Variants in ADD3 observed in about 807,000 individuals in gnomAD.
The protein encoded by ADD3 is gamma-adducin.
A neutral mutation model predicts 80.2 loss-of-function variants in ADD3; 25 were observed. The observed-to-expected ratio is 0.31, with a 90% CI of 0.23 to 0.44. The LOEUF (loss-of-function observed/expected upper bound fraction) is 0.44, where lower values mean the gene tolerates loss of function less well. Among genes scored for constraint, ADD3 ranks in the 20% least tolerant of loss-of-function variants. The pLI, the probability that ADD3 is intolerant of heterozygous loss-of-function variation, is 1.00. For synonymous variants in ADD3, 284 were observed against 289.6 expected (o/e 0.98, Z 0.20); for missense variants, 829 against 847.5 (o/e 0.98, Z 0.27).
At chr10:110,034,071 A>G (rs1251003457) in intron 1 of ADD3, among the ~76,000 whole-genome samples, 4 of 152,220 alleles carry the variant, frequency 2.6e-5, no homozygotes, top group African/African-American at 9.6e-5. Context: ...GACCACAGAA[A>G]TCAGTCTCTA....
chr10:110,123,921 A>T (rs760870113), intron 9 of ADD3, 96 bp from the exon 10 acceptor site: 1 of 1,244,970 alleles, frequency 8.0e-7, no homozygotes, highest in Non-Finnish European at 1.1e-6. Flanking sequence ...TTAGCAAAGG[A>T]GTCTTTTAAA....
At chr10:110,058,878 T>C (rs961264644) in intron 1 of ADD3, among the ~76,000 whole-genome samples, 5 of 152,244 alleles carry the variant, frequency 3.3e-5, no homozygotes, top group African/African-American at 1.2e-4. Context: ...TCTGTCATAT[T>C]ACTGTTAAAT....
At chr10:110,022,049 C>CT (rs1264074253) in intron 1 of ADD3, among the ~76,000 whole-genome samples, 3 of 152,146 alleles carry the variant, frequency 2.0e-5, no homozygotes, top group African/African-American at 7.2e-5. Flanking sequence ...GCCTGCTTTG[C>CT]TTAAAGAGGC....
At chr10:110,128,484 T>C (rs1459298950) in intron 12 of ADD3, among the ~76,000 whole-genome samples, 2 of 152,048 alleles carry the variant, frequency 1.3e-5, no homozygotes, top group Non-Finnish European at 2.9e-5. Context: ...GGCGCGATCT[T>C]GGCTCACTGC....
chr10:110,113,266 G>GT (rs1478056825), intron 3 of ADD3, among the ~76,000 whole-genome samples: 2 of 151,878 alleles, frequency 1.3e-5, no homozygotes, highest in Admixed American at 6.6e-5. Context: ...TTTTTTTGTT[G>GT]TTGTTTGTTT....
intron 1 of ADD3, among the ~76,000 whole-genome samples, chr10:110,100,240 C>T (rs1020248498): frequency 6.6e-6 from 1 of 151,428 alleles, no homozygotes; most frequent in Non-Finnish European, 1.5e-5. Context: ...GTCCCAACTA[C>T]TCGGGAGGCT....
Position 110,043,442 on chromosome 10 carries a change from T to G in ADD3, c.-30+35143T>G, listed in dbSNP as rs1346459424. Among the ~76,000 whole-genome samples, 4 of 152,362 alleles carry G rather than the reference T, an allele frequency of 2.6e-5. No individual in the cohort carries two copies. In the East Asian group the frequency reaches 7.7e-4, roughly 29 times the overall value. On this transcript the variant is annotated intron_variant, in intron 1 of 14. Coordinates refer to ENST00000356080, the MANE Select transcript of ADD3 (RefSeq NM_016824.5). ...ATTTCACTCACCTATTTGCTGTTAT[T>G]CCATTTTTAGGGTTAACTTAGCAGC...
rs115308254 is a variant in ADD3 at position 110,102,638 on chromosome 10, A to G, written c.195+1790A>G. ...AATTTTAAAAGAACTTATCAACCAA[A>G]TGATTGTAGTAACAGCATATTAGTA... is the stretch of plus-strand genomic sequence containing the variant. On this transcript the variant is annotated intron_variant, in intron 2 of 14. Transcript: ENST00000356080. Among the ~76,000 whole-genome samples, 902 of 152,270 alleles carry G rather than the reference A, an allele frequency of 5.9e-3. 7 individuals are homozygous for G. The highest frequency in any genetic ancestry group is 0.021 in the African/African-American group (866 of 41,544).
At chr10:110,101,470 C>CA (rs977178635) in intron 2 of ADD3, among the ~76,000 whole-genome samples, 24 of 151,842 alleles carry the variant, frequency 1.6e-4, no homozygotes, top group African/African-American at 5.8e-4. Context: ...CTTGTCTCTA[C>CA]AAAAAAATTT....
intron 1 of ADD3, among the ~76,000 whole-genome samples, chr10:110,000,376 G>C (rs1851462645): frequency 6.6e-6 from 1 of 152,190 alleles, no homozygotes; most frequent in South Asian, 2.1e-4. Context: ...TGAAAAATCA[G>C]ATCAATTCAG....
chr10:110,094,100 C>T (rs770033357), intron 1 of ADD3, among the ~76,000 whole-genome samples: 32 of 152,238 alleles, frequency 2.1e-4, no homozygotes, highest in Non-Finnish European at 4.4e-4. Flanking sequence ...TTTTTCTGTG[C>T]ATGCTAGGCA....
At chr10:110,030,064 C>T (rs1469763298) in intron 1 of ADD3, among the ~76,000 whole-genome samples, 1 of 152,150 alleles carries the variant, frequency 6.6e-6, no homozygotes, top group Non-Finnish European at 1.5e-5. Flanking sequence ...TGGCTCACAC[C>T]TGTAATCCCA....
chr10:110,104,701 A>T (rs1429665611), intron 2 of ADD3, among the ~76,000 whole-genome samples: 3 of 152,252 alleles, frequency 2.0e-5, no homozygotes, highest in African/African-American at 7.2e-5. Flanking sequence ...AAAGCAAAGT[A>T]TAATACTTTT....
chr10:110,040,170 A>C (rs1469734108), intron 1 of ADD3, among the ~76,000 whole-genome samples: 4 of 151,692 alleles, frequency 2.6e-5, no homozygotes, highest in African/African-American at 9.8e-5. Flanking sequence ...AATCGTTAGG[A>C]AAGTTATTAT....
chr10:110,121,064 C>T (rs1303482549), intron 8 of ADD3, among the ~76,000 whole-genome samples: 1 of 151,996 alleles, frequency 6.6e-6, no homozygotes, highest in African/African-American at 2.4e-5. Context: ...AAAACCTAGG[C>T]ATTACCATTC....
At chr10:110,047,387 C>T (rs1001885220) in intron 1 of ADD3, among the ~76,000 whole-genome samples, 10 of 151,074 alleles carry the variant, frequency 6.6e-5, no homozygotes, top group Non-Finnish European at 1.3e-4. Context: ...TCACTTGGCT[C>T]TCTCAGCCTC....
At chr10:110,003,302 G>GGGGTGTGTGTGTGTGT (rs140966434), upstream of ADD3, among the ~76,000 whole-genome samples, 9,953 of 146,910 alleles carry the variant, frequency 0.068, 983 homozygotes, top group African/African-American at 0.22. Flanking sequence ...GAACAGTAAG[G>GGGGTGTGTGTGTGTGT]GTGTGTGTGT....
intron 1 of ADD3, among the ~76,000 whole-genome samples, chr10:110,073,092 C>T (rs1174531997): frequency 2.0e-5 from 3 of 149,290 alleles, no homozygotes; most frequent in African/African-American, 7.5e-5. Flanking sequence ...TCCATTGCCA[C>T]TAGTTGTATG....
At chr10:110,054,166 G>A (rs1486892479) in intron 1 of ADD3, among the ~76,000 whole-genome samples, 2 of 152,136 alleles carry the variant, frequency 1.3e-5, no homozygotes, top group South Asian at 2.1e-4. Flanking sequence ...TGTGAAAGAT[G>A]TACCTGACTT....
Sources: allele counts gnomAD v4.1 joint callset (sites outside exome capture counted in the v4.1 genomes callset), GRCh38; gene constraint gnomAD v4.1.1; transcripts MANE v1.5; gene names NCBI Gene and HGNC (gene_info 2026-07-23, HGNC 2026-07-21).